Variants in LRRC4C observed in about 807,000 individuals in gnomAD.
LRRC4C encodes leucine-rich repeat-containing protein 4C.
In LRRC4C, 5 loss-of-function variants were observed where a neutral mutation model predicts 33.6. That is an observed-to-expected ratio of 0.15 (90% CI 0.08 to 0.31). The LOEUF is 0.31. Among genes scored for constraint, LRRC4C ranks in the 10% least tolerant of loss-of-function variants. LRRC4C has a pLI of 1.00. For synonymous variants in LRRC4C, 329 were observed against 302.0 expected (o/e 1.09, Z -0.93); for missense variants, 560 against 796.7 (o/e 0.70, Z 3.58).
chr11:40,727,716 A>G (rs1280870939), intron 2 of LRRC4C, among the ~76,000 whole-genome samples: 1 of 152,146 alleles, frequency 6.6e-6, no homozygotes, highest in African/African-American at 2.4e-5. Context: ...AAGAAAAAAC[A>G]TATAACCCTA....
intron 3 of LRRC4C, among the ~76,000 whole-genome samples, chr11:40,644,303 G>A (rs1285239788): frequency 6.6e-6 from 1 of 152,130 alleles, no homozygotes; most frequent in Admixed American, 6.5e-5. Context: ...GGATTAAGAG[G>A]ATGAGAGGAC....
chr11:40,468,411 G>C lies in LRRC4C; in HGVS notation c.-269-148690C>G, dbSNP rs149480698. Among the ~76,000 whole-genome samples, 480 of 152,190 alleles carry C rather than the reference G, an allele frequency of 3.2e-3. 1 individual carries two copies. Among genetic ancestry groups the C allele is most frequent in the African/African-American group, 0.011 (462 of 41,532 alleles). ...TTATCTAAAAGACATCACCTGTTTG[G>C]ATAAGGCCATCCAACATATGGAGAG... On this transcript the variant is annotated intron_variant, in intron 3 of 6. Coordinates refer to ENST00000528697, the MANE Select transcript of LRRC4C (RefSeq NM_001258419.2).
intron 4 of LRRC4C, among the ~76,000 whole-genome samples, chr11:40,250,648 A>G (rs1866716820): frequency 6.6e-6 from 1 of 152,060 alleles, no homozygotes; most frequent in Non-Finnish European, 1.5e-5. Context: ...CTGAGGCAGG[A>G]GAATCGCTTG....
intron 1 of LRRC4C, among the ~76,000 whole-genome samples, chr11:41,088,374 A>G (rs1362346254): frequency 6.6e-6 from 1 of 152,112 alleles, no homozygotes; most frequent in Non-Finnish European, 1.5e-5. Flanking sequence ...AGGAGATTGT[A>G]TGTAATATGT....
intron 3 of LRRC4C, among the ~76,000 whole-genome samples, chr11:40,619,440 A>G (rs532528801): frequency 6.6e-6 from 1 of 151,650 alleles, no homozygotes; most frequent in Non-Finnish European, 1.5e-5. Context: ...ATGTATCCAC[A>G]AAAACTAAAA....
intron 2 of LRRC4C, among the ~76,000 whole-genome samples, chr11:40,686,561 C>A (rs1944966114): frequency 6.6e-6 from 1 of 151,944 alleles, no homozygotes; most frequent in Non-Finnish European, 1.5e-5. Flanking sequence ...AGCCAGAGTC[C>A]AGAACTGTGG....
At chr11:40,680,495 G>T (rs1227332174) in intron 2 of LRRC4C, among the ~76,000 whole-genome samples, 1 of 152,176 alleles carries the variant, frequency 6.6e-6, no homozygotes, top group Non-Finnish European at 1.5e-5. Context: ...TGTTGTTCGA[G>T]GGACCCAGTG....
intron 2 of LRRC4C, among the ~76,000 whole-genome samples, chr11:40,711,358 A>C (rs1468375677): frequency 1.3e-5 from 2 of 152,150 alleles, no homozygotes; most frequent in African/African-American, 4.8e-5. Flanking sequence ...ACAACACCCA[A>C]GTCCATGACC....
intron 1 of LRRC4C, among the ~76,000 whole-genome samples, chr11:41,114,444 G>A (rs1382228476): frequency 6.6e-6 from 1 of 151,914 alleles, no homozygotes; most frequent in African/African-American, 2.4e-5. Flanking sequence ...TGTTTCAAAG[G>A]ATGTCCTGAA....
chr11:41,123,290 T>A (rs1460725427), intron 1 of LRRC4C, among the ~76,000 whole-genome samples: 2 of 129,984 alleles, frequency 1.5e-5, no homozygotes, highest in Non-Finnish European at 1.6e-5. Context: ...TTTTTTTTTT[T>A]GAGACGGAGT....
chr11:40,343,711 G>GGAA (rs1555025543), intron 3 of LRRC4C, among the ~76,000 whole-genome samples: 12 of 104,712 alleles, frequency 1.1e-4, no homozygotes, highest in African/African-American at 4.6e-4. Context: ...TTGTTTTTTT[G>GGAA]AAAAAAAAAA....
intron 3 of LRRC4C, among the ~76,000 whole-genome samples, chr11:40,564,668 A>G (rs16934946): frequency 0.024 from 3,689 of 152,256 alleles, 63 homozygotes; most frequent in South Asian, 0.034. Context: ...TAATTGCTTG[A>G]TACTTCACAC....
intron 1 of LRRC4C, among the ~76,000 whole-genome samples, chr11:41,279,544 T>C (rs556081942): frequency 3.9e-5 from 6 of 152,132 alleles, no homozygotes; most frequent in African/African-American, 1.2e-4. Flanking sequence ...TGCTAGACTC[T>C]GGCTGAGTTC....
intron 3 of LRRC4C, among the ~76,000 whole-genome samples, chr11:40,357,195 G>T: frequency 6.6e-6 from 1 of 152,128 alleles, no homozygotes; most frequent in East Asian, 1.9e-4. Context: ...GCCAAAGATA[G>T]GGGACTGGGG....
At chr11:41,078,176 C>G (rs1223354655) in intron 1 of LRRC4C, among the ~76,000 whole-genome samples, 1 of 152,164 alleles carries the variant, frequency 6.6e-6, no homozygotes, top group Non-Finnish European at 1.5e-5. Flanking sequence ...CTAGGAAGTT[C>G]CAAATTTTCC....
chr11:41,124,756 A>T (rs1942655255), intron 1 of LRRC4C, among the ~76,000 whole-genome samples: 1 of 152,208 alleles, frequency 6.6e-6, no homozygotes, highest in African/African-American at 2.4e-5. Context: ...TTTCAAGAAT[A>T]TGGGAAGCAA....
intron 1 of LRRC4C, among the ~76,000 whole-genome samples, chr11:41,171,829 C>G (rs1944989959): frequency 6.6e-6 from 1 of 151,934 alleles, no homozygotes; most frequent in African/African-American, 2.4e-5. Flanking sequence ...GTGACCCAAT[C>G]TGGATGCTTC....
chr11:40,126,959 C>CAAA (rs111797947), intron 6 of LRRC4C, among the ~76,000 whole-genome samples: 1 of 137,980 alleles, frequency 7.2e-6, no homozygotes, highest in African/African-American at 2.6e-5. Flanking sequence ...AACTTTGTCT[C>CAAA]AAAAAAAAAA....
chr11:40,477,279 G>T (rs554877673), intron 3 of LRRC4C, among the ~76,000 whole-genome samples: 1 of 151,894 alleles, frequency 6.6e-6, no homozygotes, highest in African/African-American at 2.4e-5. Flanking sequence ...CTCAAAAATG[G>T]TGCTACTGAG....
Sources: gnomAD v4.1 joint callset for allele counts (sites outside exome capture counted in the v4.1 genomes callset) on GRCh38, gnomAD v4.1.1 for gene constraint, MANE v1.5 for transcripts, NCBI Gene and HGNC (gene_info 2026-07-23, HGNC 2026-07-21) for gene names.